The following CSMD1 variants were observed in gnomAD, a reference collection of about 807,000 sequenced individuals.
The protein encoded by CSMD1 is CUB and Sushi multiple domains 1.
CSMD1 carries 213 observed loss-of-function variants against 417.5 expected under a neutral mutation model. That is an observed-to-expected ratio of 0.51 (90% confidence interval 0.46 to 0.57). The LOEUF is 0.57. Ranked by LOEUF, CSMD1 falls within the 20% of genes least tolerant of loss-of-function variation. CSMD1 has a pLI of 0.00. For synonymous variants in CSMD1, 2,862 were observed against 1,736.8 expected (o/e 1.65, Z -16.11); for missense variants, 6,923 against 4,529.7 (o/e 1.53, Z -15.17).
chr8:4,149,031 T>G (rs745360895), intron 3 of CSMD1, among the ~76,000 whole-genome samples: 2 of 151,918 alleles, frequency 1.3e-5, no homozygotes, highest in African/African-American at 4.8e-5. Context: ...TGGCACAATC[T>G]TTGCTCACTG....
At chr8:4,177,164 G>C (rs1054894918) in intron 3 of CSMD1, among the ~76,000 whole-genome samples, 2 of 152,002 alleles carry the variant, frequency 1.3e-5, no homozygotes, top group African/African-American at 4.8e-5. Context: ...TTCCAAAATT[G>C]ACCACATAGC....
intron 5 of CSMD1, among the ~76,000 whole-genome samples, chr8:3,834,252 A>G (rs1802540965): frequency 6.6e-6 from 1 of 152,002 alleles, no homozygotes; most frequent in African/African-American, 2.4e-5. Context: ...CTCTGTCCAT[A>G]TATTCTCATC....
intron 2 of CSMD1, among the ~76,000 whole-genome samples, chr8:4,454,936 C>G (rs1003870616): frequency 1.3e-5 from 2 of 152,162 alleles, no homozygotes; most frequent in Admixed American, 6.5e-5. Flanking sequence ...ACTCCAGACT[C>G]ATGACGCTTC....
At chr8:2,985,751 G>A (rs1805839568) in intron 54 of CSMD1, among the ~76,000 whole-genome samples, 1 of 152,190 alleles carries the variant, frequency 6.6e-6, no homozygotes, top group African/African-American at 2.4e-5. Context: ...AAGGCCTTAA[G>A]AAGTTGCTTT....
At chr8:4,513,449 G>A (rs1802936668) in intron 2 of CSMD1, among the ~76,000 whole-genome samples, 1 of 152,274 alleles carries the variant, frequency 6.6e-6, no homozygotes, top group South Asian at 2.1e-4. Context: ...CATGTTAAAA[G>A]TAGATCCCAA....
intron 7 of CSMD1, among the ~76,000 whole-genome samples, chr8:3,626,298 G>C (rs576921259): frequency 8.9e-4 from 135 of 152,264 alleles, no homozygotes; most frequent in African/African-American, 3.2e-3. Flanking sequence ...CTAGACTTAA[G>C]ACTCAGAAAT....
intron 49 of CSMD1, among the ~76,000 whole-genome samples, chr8:3,065,071 A>G (rs576415416): frequency 1.3e-5 from 2 of 152,302 alleles, no homozygotes; most frequent in South Asian, 4.1e-4. Context: ...AAACAAACAG[A>G]TGTACCTGGA....
chr8:3,837,917 T>C (rs1053058987), intron 5 of CSMD1, among the ~76,000 whole-genome samples: 5 of 152,060 alleles, frequency 3.3e-5, no homozygotes, highest in East Asian at 1.9e-4. Flanking sequence ...CACAGATGAA[T>C]ATACTGTTTT....
chr8:4,268,052 A>C (rs1231958408), intron 3 of CSMD1, among the ~76,000 whole-genome samples: 3 of 152,142 alleles, frequency 2.0e-5, no homozygotes, highest in South Asian at 4.1e-4. Flanking sequence ...AAGTGTGTTC[A>C]CAATTTCAAA....
chr8:3,824,064 G>C (rs35263485), intron 5 of CSMD1, among the ~76,000 whole-genome samples: 29,798 of 151,912 alleles, frequency 0.2, 3,157 homozygotes, highest in Middle Eastern at 0.27. Context: ...TCTTCATCCT[G>C]GTGATTTGTA....
chr8:3,395,602 T>C (rs537904568), intron 17 of CSMD1, among the ~76,000 whole-genome samples: 162 of 152,354 alleles, frequency 1.1e-3, no homozygotes, highest in African/African-American at 3.7e-3. Context: ...TTATAATATT[T>C]TGACAATTGT....
chr8:3,260,066 T>A (rs1460320498), intron 26 of CSMD1, among the ~76,000 whole-genome samples: 1 of 152,160 alleles, frequency 6.6e-6, no homozygotes, highest in African/African-American at 2.4e-5. Context: ...ACTATAATTA[T>A]GAAATAATTT....
At chr8:4,328,232 A>C (rs1449880775) in intron 3 of CSMD1, among the ~76,000 whole-genome samples, 1 of 141,168 alleles carries the variant, frequency 7.1e-6, no homozygotes, top group Non-Finnish European at 1.5e-5. Flanking sequence ...ATTACATTGC[A>C]CTCAATACAA....
At chr8:4,551,745 T>C (rs917546240) in intron 2 of CSMD1, among the ~76,000 whole-genome samples, 1 of 152,046 alleles carries the variant, frequency 6.6e-6, no homozygotes, top group African/African-American at 2.4e-5. Context: ...AGTCCAGTGG[T>C]ACAATCATAG....
intron 28 of CSMD1, among the ~76,000 whole-genome samples, chr8:3,221,346 A>C (rs1798200459): frequency 6.6e-6 from 1 of 152,212 alleles, no homozygotes; most frequent in South Asian, 2.1e-4. Context: ...GGTTGGAGTT[A>C]CTAGGTATAG....
chr8:3,406,942 T>C (rs954696061), intron 14 of CSMD1, among the ~76,000 whole-genome samples: 7 of 152,178 alleles, frequency 4.6e-5, no homozygotes, highest in African/African-American at 1.2e-4. Context: ...TATTACACAG[T>C]TGTTTTTACT....
chr8:4,233,977 G>T (rs912581955), intron 3 of CSMD1, among the ~76,000 whole-genome samples: 6 of 151,290 alleles, frequency 4.0e-5, no homozygotes, highest in African/African-American at 1.2e-4. Flanking sequence ...ACGGCGGGGG[G>T]TGGGGGAACA....
intron 41 of CSMD1, among the ~76,000 whole-genome samples, chr8:3,138,950 T>C (rs1034159175): frequency 6.6e-6 from 1 of 152,024 alleles, no homozygotes. Flanking sequence ...TGGAAAGACA[T>C]TTAGGAGTTT....
chr8:4,691,217 G>A (rs1423970629), intron 1 of CSMD1, among the ~76,000 whole-genome samples: 2 of 152,164 alleles, frequency 1.3e-5, no homozygotes, highest in Admixed American at 6.5e-5. Context: ...TCCTAGGGAT[G>A]GGCTGGTGAG....
Sources: allele counts gnomAD v4.1 joint callset (sites outside exome capture counted in the v4.1 genomes callset), GRCh38; gene constraint gnomAD v4.1.1; transcripts MANE v1.5; gene names NCBI Gene and HGNC (gene_info 2026-07-23, HGNC 2026-07-21).